RALGAPA1: variants seen among roughly 807,000 people sequenced by gnomAD.
RALGAPA1 encodes Ral GTPase activating protein catalytic subunit alpha 1, also known as ral GTPase-activating protein subunit alpha-1.
A neutral mutation model predicts 269.6 loss-of-function variants in RALGAPA1; 52 were observed. The ratio of observed to expected loss-of-function variants is 0.19; its 90% confidence interval spans 0.15 to 0.24. The LOEUF is 0.24. Among genes scored for constraint, RALGAPA1 ranks in the 10% least tolerant of loss-of-function variants. The pLI is 1.00. For missense variants in RALGAPA1, 1,917 were observed against 3,013.9 expected (o/e 0.64, Z 8.52); for synonymous variants, 817 against 1,008.3 (o/e 0.81, Z 3.60).
rs542274309 is a variant in RALGAPA1, at chr14:35,570,856, C to T, written c.7369-112G>A. On this transcript the variant is annotated intron_variant, in intron 38 of 41. Transcript: ENST00000680220. ...TATTTCTGCTGCTTCTTTAGTTCTT[C>T]CTTCAGTAAAAATACTATTTGAATT... 2,070 of 981,872 alleles carry T rather than the reference C, an allele frequency of 2.1e-3. 24 individuals are homozygous for T. Among genetic ancestry groups the T allele is most frequent in the South Asian group, 0.02 (1,025 of 51,588 alleles). The allele number at this position is 981,872 out of a possible 1,614,324, so 60.8% of individuals were successfully genotyped here. A position where few individuals can be genotyped will look rare whatever the true frequency, so the allele number is the denominator to read the frequency against.
intron 37 of RALGAPA1, among the ~76,000 whole-genome samples, chr14:35,583,629 T>C (rs1321428105): frequency 6.6e-6 from 1 of 151,996 alleles, no homozygotes; most frequent in Non-Finnish European, 1.5e-5. Context: ...GCAGGGTAAA[T>C]GTCAAAAAAC....
intron 37 of RALGAPA1, among the ~76,000 whole-genome samples, chr14:35,588,442 A>G (rs1017317722): frequency 2.6e-5 from 4 of 152,234 alleles, no homozygotes; most frequent in African/African-American, 9.6e-5. Context: ...ACAGTGAAGT[A>G]AAAATATCCT....
chr14:35,558,146 G>C (rs1483946540), intron 39 of RALGAPA1, among the ~76,000 whole-genome samples: 4 of 151,912 alleles, frequency 2.6e-5, no homozygotes, highest in Admixed American at 2.0e-4. Flanking sequence ...TCCAACCAGA[G>C]GGAATTCAAT....
At chr14:35,685,653 C>G (rs996122673) in intron 19 of RALGAPA1, among the ~76,000 whole-genome samples, 1 of 152,142 alleles carries the variant, frequency 6.6e-6, no homozygotes, top group Non-Finnish European at 1.5e-5. Context: ...CTGGTAATCC[C>G]AGCACTTTGG....
intron 9 of RALGAPA1, among the ~76,000 whole-genome samples, chr14:35,749,663 A>G (rs1390770320): frequency 2.0e-5 from 3 of 152,134 alleles, no homozygotes; most frequent in African/African-American, 4.8e-5. Flanking sequence ...GAATTTTCGC[A>G]CTTAATAGTT....
chr14:35,754,239 T>G (rs570468845), intron 7 of RALGAPA1, among the ~76,000 whole-genome samples: 1 of 152,140 alleles, frequency 6.6e-6, no homozygotes, highest in Non-Finnish European at 1.5e-5. Flanking sequence ...AAAAGTGGTA[T>G]AGTGGACTTC....
At chr14:35,612,221 A>G (rs895998279) in intron 35 of RALGAPA1, among the ~76,000 whole-genome samples, 1 of 151,968 alleles carries the variant, frequency 6.6e-6, no homozygotes, top group African/African-American at 2.4e-5. Flanking sequence ...AAATTTAAAA[A>G]TTGGCCAGGC....
intron 41 of RALGAPA1, among the ~76,000 whole-genome samples, chr14:35,548,277 G>A (rs1038983832): frequency 3.3e-5 from 5 of 151,974 alleles, no homozygotes; most frequent in Non-Finnish European, 7.4e-5. Context: ...TTCAACCAAG[G>A]GATTCTATTA....
At chr14:35,612,610 C>T (rs2139335812) in intron 35 of RALGAPA1, among the ~76,000 whole-genome samples, 1 of 151,028 alleles carries the variant, frequency 6.6e-6, no homozygotes, top group South Asian at 2.1e-4. Context: ...GCAATCTCGG[C>T]TCACTGCAAG....
At chr14:35,704,129 T>C (rs1246558604) in intron 16 of RALGAPA1, among the ~76,000 whole-genome samples, 2 of 152,116 alleles carry the variant, frequency 1.3e-5, no homozygotes, top group African/African-American at 4.8e-5. Context: ...CCTGTTAAAG[T>C]CCCCAAATGT....
At chr14:35,717,285 G>A (rs1165935407) in intron 16 of RALGAPA1, among the ~76,000 whole-genome samples, 3 of 152,024 alleles carry the variant, frequency 2.0e-5, no homozygotes. Context: ...CGAGTAGCTG[G>A]GATTACAGGC....
chr14:35,794,797 A>G (rs1320666388), intron 1 of RALGAPA1, among the ~76,000 whole-genome samples: 3 of 152,188 alleles, frequency 2.0e-5, no homozygotes, highest in African/African-American at 7.2e-5. Flanking sequence ...AAAATATACA[A>G]TCTGTATTTA....
chr14:35,617,384 G>A (rs1594830937), intron 35 of RALGAPA1, among the ~76,000 whole-genome samples: 2 of 152,206 alleles, frequency 1.3e-5, no homozygotes, highest in Admixed American at 6.5e-5. Flanking sequence ...TTGGGAGGCT[G>A]AGGCAGGCAG....
At chr14:35,642,714 C>T (rs567699797) in intron 31 of RALGAPA1, among the ~76,000 whole-genome samples, 2 of 152,132 alleles carry the variant, frequency 1.3e-5, no homozygotes, top group South Asian at 4.1e-4. Context: ...TGTGGAGAAA[C>T]AGGAACACTT....
chr14:35,674,495 T>A (rs369505472), intron 23 of RALGAPA1, 21 bp downstream of exon 23: 3 of 1,584,734 alleles, frequency 1.9e-6, no homozygotes, highest in Non-Finnish European at 2.6e-6. Flanking sequence ...TCTCCACTTA[T>A]ATCCGCTATT....
At chr14:35,544,573 A>C (rs1296726584) in intron 41 of RALGAPA1, among the ~76,000 whole-genome samples, 4 of 152,204 alleles carry the variant, frequency 2.6e-5, no homozygotes, top group African/African-American at 9.7e-5. Flanking sequence ...TCTATGTGGA[A>C]ACTGAACCAG....
At position 35,562,865 on chromosome 14, in the gene RALGAPA1, C is replaced by A. The variant is rs568975201; in HGVS notation, c.7496+7752G>T. Reference sequence around the variant, plus strand: ...TGAAACCCCATCTCTACTAAAAATACAAAAAATTAGCTGGGCGTGGTGGCA... The same window carrying A: ...TGAAACCCCATCTCTACTAAAAATAAAAAAAATTAGCTGGGCGTGGTGGCA... On this transcript the variant is annotated intron_variant, in intron 39 of 41. Coordinates refer to ENST00000680220, the MANE Select transcript of RALGAPA1 (RefSeq NM_001346249.2). Among the ~76,000 whole-genome samples, 51 of 150,984 alleles carry A rather than the reference C, an allele frequency of 3.4e-4. 3 individuals carry two copies. The South Asian group carries it at 9.9e-3, about 29-fold the overall frequency.
intron 26 of RALGAPA1, among the ~76,000 whole-genome samples, chr14:35,670,695 C>A (rs548438357): frequency 6.6e-6 from 1 of 152,136 alleles, no homozygotes; most frequent in Admixed American, 6.5e-5. Context: ...GAGGCTGAGG[C>A]GGGCAGATCA....
intron 6 of RALGAPA1, 33 bp downstream of exon 6, chr14:35,760,796 A>T (rs761636220): frequency 4.5e-6 from 7 of 1,553,570 alleles, no homozygotes; most frequent in Non-Finnish European, 6.2e-6. Flanking sequence ...GAGAGCTTAA[A>T]CCTACTGACG....
Sources: allele counts gnomAD v4.1 joint callset (sites outside exome capture counted in the v4.1 genomes callset), GRCh38; gene constraint gnomAD v4.1.1; transcripts MANE v1.5; gene names NCBI Gene and HGNC (gene_info 2026-07-23, HGNC 2026-07-21).